The following SLC9D1 variants were observed in gnomAD, a reference collection of about 807,000 sequenced individuals.
SLC9D1 encodes solute carrier family 9 member D1, also known as putative LAG1-interacting protein.
the SLC9D1 span, among the ~76,000 whole-genome samples, chr13:113,543,723 G>A: frequency 1.3e-5 from 2 of 150,158 alleles, no homozygotes; most frequent in Non-Finnish European, 3.0e-5. Flanking sequence ...TGTCCGCCGG[G>A]GCTTTGTTGA....
the SLC9D1 span, among the ~76,000 whole-genome samples, chr13:113,502,270 A>G: frequency 6.4e-4 from 97 of 152,052 alleles, no homozygotes; most frequent in Non-Finnish European, 1.3e-3. Context: ...CTGGAGTGCA[A>G]TGGTGCAATC....
chr13:113,547,308 G>A, the SLC9D1 span: 5 of 1,614,122 alleles, frequency 3.1e-6, no homozygotes, highest in East Asian at 2.2e-5. Context: ...AGGGCTCCAC[G>A]TGTTCCCCAC....
the SLC9D1 span, among the ~76,000 whole-genome samples, chr13:113,531,317 G>A: frequency 1.3e-5 from 2 of 152,394 alleles, no homozygotes; most frequent in Non-Finnish European, 2.9e-5. Flanking sequence ...CTGATGGGAA[G>A]CTTGTCCACT....
chr13:113,535,780 TG>T, the SLC9D1 span, among the ~76,000 whole-genome samples: 2 of 151,808 alleles, frequency 1.3e-5, no homozygotes, highest in Non-Finnish European at 2.9e-5. The surrounding 1 kb of genome is among the most constrained non-coding windows in gnomAD (Gnocchi z 4.1). Flanking sequence ...ATGGGCAGTC[TG>T]GGGAGGGGCT....
chr13:113,526,262 A>C, the SLC9D1 span, among the ~76,000 whole-genome samples: 151 of 152,334 alleles, frequency 9.9e-4, no homozygotes, highest in African/African-American at 3.5e-3. Flanking sequence ...AACGTATAGA[A>C]TAAATAAGAA....
chr13:113,495,659 G>A, the SLC9D1 span: 3 of 1,604,320 alleles, frequency 1.9e-6, no homozygotes, highest in Non-Finnish European at 2.6e-6. Flanking sequence ...TGGAGCACGA[G>A]GAGGTGGCGC....
chr13:113,507,706 C>G, the SLC9D1 span, among the ~76,000 whole-genome samples: 97 of 152,360 alleles, frequency 6.4e-4, 1 homozygote, highest in African/African-American at 2.2e-3. Flanking sequence ...CAGATTGTTT[C>G]TCAAGTCATT....
chr13:113,512,900 C>T, the SLC9D1 span, among the ~76,000 whole-genome samples: 2 of 146,770 alleles, frequency 1.4e-5, no homozygotes, highest in African/African-American at 2.5e-5. Context: ...TATATGGACT[C>T]GGAGCCCCAG....
chr13:113,494,969 C>T, the SLC9D1 span, among the ~76,000 whole-genome samples: 1 of 152,222 alleles, frequency 6.6e-6, no homozygotes, highest in Non-Finnish European at 1.5e-5. Context: ...CTGCAACGTC[C>T]GCCTCCCGGG....
the SLC9D1 span, among the ~76,000 whole-genome samples, chr13:113,532,843 C>T: frequency 0.15 from 15,385 of 100,734 alleles, 674 homozygotes; most frequent in Middle Eastern, 0.34. Flanking sequence ...CTCCTGAAGT[C>T]GCAGACGTGG....
chr13:113,527,143 C>T, the SLC9D1 span: 2 of 152,202 alleles, frequency 1.3e-5, no homozygotes, highest in African/African-American at 4.8e-5. Context: ...TGTCTTTTCT[C>T]TTCTTTTATT....
the SLC9D1 span, among the ~76,000 whole-genome samples, chr13:113,533,183 G>A: frequency 2.6e-3 from 380 of 146,652 alleles, 7 homozygotes; most frequent in East Asian, 0.017. Flanking sequence ...TGCAGACGTG[G>A]GCCCTGCAGC....
chr13:113,549,524 C>T, the SLC9D1 span: 21 of 1,614,046 alleles, frequency 1.3e-5, no homozygotes, highest in Middle Eastern at 1.6e-4. Context: ...ACCGGAGAGA[C>T]GGTCCAGCCT....
chr13:113,536,904 G>A, the SLC9D1 span, among the ~76,000 whole-genome samples: 12 of 152,274 alleles, frequency 7.9e-5, no homozygotes, highest in East Asian at 1.9e-4. Flanking sequence ...CCCCAAAGTC[G>A]CCATGCCAGC....
At chr13:113,516,688 A>G in the SLC9D1 span, among the ~76,000 whole-genome samples, 6 of 152,116 alleles carry the variant, frequency 3.9e-5, no homozygotes, top group Non-Finnish European at 5.9e-5. Flanking sequence ...CTCTTCTTAC[A>G]TGGATTTTGA....
At chr13:113,520,794 C>G in the SLC9D1 span, 188,926 of 1,198,694 alleles carry the variant, frequency 0.16, 17,072 homozygotes, top group Admixed American at 0.36. Flanking sequence ...CATAAAAATA[C>G]TACTTAATAC....
the SLC9D1 span, chr13:113,491,397 G>A: frequency 7.4e-6 from 1 of 135,606 alleles, no homozygotes; most frequent in Non-Finnish European, 1.6e-5. Flanking sequence ...CTTCCCAAGG[G>A]TCCCCTTCCT....
the SLC9D1 span, chr13:113,547,330 A>T: frequency 6.2e-7 from 1 of 1,614,186 alleles, no homozygotes; most frequent in Non-Finnish European, 8.5e-7. Context: ...TTTGTGGCGT[A>T]CGAGCTCACG....
At chr13:113,514,889 T>C in the SLC9D1 span, among the ~76,000 whole-genome samples, 46 of 152,176 alleles carry the variant, frequency 3.0e-4, no homozygotes, top group Non-Finnish European at 4.3e-4. Context: ...GCTAAGTTTT[T>C]AGTCTTTTTG....
Sources: allele counts gnomAD v4.1 joint callset (sites outside exome capture counted in the v4.1 genomes callset), GRCh38; gene constraint gnomAD v4.1.1; non-coding constraint Gnocchi (gnomAD v3.1); transcripts MANE v1.5; gene names NCBI Gene and HGNC (gene_info 2026-07-23, HGNC 2026-07-21).